RORA: variants seen among roughly 807,000 people sequenced by gnomAD.
The protein encoded by RORA is RAR related orphan receptor A, also known as nuclear receptor ROR-alpha.
In RORA, 7 loss-of-function variants were observed where a neutral mutation model predicts 69.5. The observed-to-expected ratio is 0.10, with a 90% CI of 0.06 to 0.19. The LOEUF (loss-of-function observed/expected upper bound fraction) is 0.19. RORA is among the 10% of genes least tolerant of loss of function. RORA has a pLI of 1.00. For missense variants in RORA, 457 were observed against 663.0 expected, an observed-to-expected ratio of 0.69 and a Z score of 3.41; for synonymous variants, 261 against 240.8, an observed-to-expected ratio of 1.08 and a Z score of -0.78.
chr15:61,047,056 G>A (rs1020547819), intron 1 of RORA, among the ~76,000 whole-genome samples: 1 of 152,212 alleles, frequency 6.6e-6, no homozygotes, highest in African/African-American at 2.4e-5. Flanking sequence ...GCAACCAGCC[G>A]TTCCACAGCC....
At chr15:60,542,587 ACACACACGGCACGCATGCACACCT>A (rs1567073361) in intron 2 of RORA, among the ~76,000 whole-genome samples, 3 of 116,832 alleles carry the variant, frequency 2.6e-5, no homozygotes, top group African/African-American at 1.8e-4. Context: ...TGCACACCTC[ACACACACGGCACGCATGCACACCT>A]CACACACGGC....
intron 1 of RORA, chr15:60,764,778 C>T (rs570016885): frequency 2.0e-5 from 3 of 152,206 alleles, no homozygotes; most frequent in Non-Finnish European, 4.4e-5. Flanking sequence ...GCTTCGACGC[C>T]CCTGCTCACA....
chr15:60,722,245 T>C (rs1207728452), intron 1 of RORA, among the ~76,000 whole-genome samples: 2 of 152,214 alleles, frequency 1.3e-5, no homozygotes, highest in Non-Finnish European at 2.9e-5. Flanking sequence ...ATCATTCACA[T>C]AAGTACATAA....
At chr15:60,703,449 T>TG (rs2071014941) in intron 1 of RORA, among the ~76,000 whole-genome samples, 1 of 151,948 alleles carries the variant, frequency 6.6e-6, no homozygotes, top group Non-Finnish European at 1.5e-5. Context: ...TCAATGAACA[T>TG]AGAACGCACA....
chr15:61,056,333 T>C (rs1566966949), intron 1 of RORA, among the ~76,000 whole-genome samples: 1 of 152,208 alleles, frequency 6.6e-6, no homozygotes, highest in Non-Finnish European at 1.5e-5. Context: ...ACGTTAAGCA[T>C]CTTGTCCAAA....
chr15:61,214,558 C>A (rs977631706), intron 1 of RORA, among the ~76,000 whole-genome samples: 16 of 152,126 alleles, frequency 1.1e-4, no homozygotes, highest in Admixed American at 4.6e-4. Flanking sequence ...TCTAGATTAC[C>A]AGATGGTGGT....
chr15:61,019,937 G>A (rs1053342536), intron 1 of RORA, among the ~76,000 whole-genome samples: 6 of 151,950 alleles, frequency 3.9e-5, no homozygotes, highest in South Asian at 2.1e-4. Context: ...CCAACTTCCC[G>A]TCCTCTGACC....
In RORA at chr15:61,187,502, AG is replaced by A. The variant is rs2079755706; in HGVS notation, c.166+41550del. Among the ~76,000 whole-genome samples, 3 of 152,126 alleles carry A rather than the reference AG, an allele frequency of 2.0e-5. No homozygotes were observed. In the East Asian group the frequency reaches 5.8e-4, roughly 30 times the overall value. On this transcript the variant is annotated intron_variant, in intron 1 of 10. Coordinates refer to ENST00000335670, the MANE Select transcript of RORA (RefSeq NM_134261.3). The stretch of plus-strand genomic sequence containing the variant: ...TGAGGGAAAAACCAAGAGGAGGAGG[AG>A]GGGTGGCGGTAGGGATGGGAAGTGG...
intron 2 of RORA, among the ~76,000 whole-genome samples, chr15:60,577,739 A>G (rs2068068624): frequency 6.6e-6 from 1 of 152,098 alleles, no homozygotes; most frequent in Non-Finnish European, 1.5e-5. Context: ...GAACATTTAC[A>G]CAATTTACTT....
At chr15:60,597,251 A>G (rs2068686454) in intron 2 of RORA, among the ~76,000 whole-genome samples, 1 of 151,920 alleles carries the variant, frequency 6.6e-6, no homozygotes, top group Admixed American at 6.6e-5. Flanking sequence ...CTGGAACCAT[A>G]TATTTCATAC....
At chr15:60,677,335 G>A (rs759076261) in intron 2 of RORA, 5 of 408,786 alleles carry the variant, frequency 1.2e-5, no homozygotes, top group African/African-American at 6.1e-5. Flanking sequence ...CAACAACAAC[G>A]ACAAAACAAC....
At chr15:60,503,885 C>T (rs981296475) in intron 6 of RORA, among the ~76,000 whole-genome samples, 12 of 152,186 alleles carry the variant, frequency 7.9e-5, no homozygotes, top group African/African-American at 2.9e-4. Flanking sequence ...TCACTGCAAC[C>T]TCTGCCTCCT....
chr15:60,508,551 G>A lies in RORA; in HGVS notation c.820+2675C>T, dbSNP rs949142789. 6.8e-4 allele frequency among the ~76,000 whole-genome samples: 103 copies of A among 152,310 alleles called. 1 individual carries two copies. The highest frequency in any genetic ancestry group is 2.4e-3 in the African/African-American group (100 of 41,566). On this transcript the variant is annotated intron_variant, in intron 5 of 10. Coordinates refer to ENST00000335670, the MANE Select transcript of RORA (RefSeq NM_134261.3). ...ATCCTTATAACAACCCCAAGAGAAAGGTACTAGTATTATCTCCATTTTACA... is the reference window on the plus strand; with the variant it reads ...ATCCTTATAACAACCCCAAGAGAAAAGTACTAGTATTATCTCCATTTTACA...
In RORA at chr15:60,933,944, G is replaced by A. The variant is rs747308634; in HGVS notation, c.167-255258C>T. Among the ~76,000 whole-genome samples, 6 of 152,312 alleles carry A rather than the reference G, an allele frequency of 3.9e-5. No individual in the cohort carries two copies. In the South Asian group the frequency reaches 1.2e-3, roughly 32 times the overall value. ...CTTTTGAAGGGCCCAGAGAGGCTGG[G>A]CTCCCTCATTTCTCAAAGTGATGAG... is the stretch of plus-strand genomic sequence containing the variant. On this transcript the variant is annotated intron_variant, in intron 1 of 10. Transcript: ENST00000335670.
chr15:60,982,534 C>T (rs1344489117), intron 1 of RORA, among the ~76,000 whole-genome samples: 1 of 152,130 alleles, frequency 6.6e-6, no homozygotes, highest in Non-Finnish European at 1.5e-5. Flanking sequence ...GAGATAAAAA[C>T]ATGTGTCTAG....
At chr15:61,141,647 A>G (rs1465316712) in intron 1 of RORA, among the ~76,000 whole-genome samples, 3 of 152,196 alleles carry the variant, frequency 2.0e-5, no homozygotes, top group African/African-American at 7.2e-5. Flanking sequence ...CTACGGCTTG[A>G]TTTCATAAGG....
intron 1 of RORA, among the ~76,000 whole-genome samples, chr15:61,024,685 A>C (rs1253873145): frequency 1.3e-5 from 2 of 152,006 alleles, no homozygotes; most frequent in African/African-American, 4.8e-5. Flanking sequence ...TCCTGACATC[A>C]CATGACCTGC....
intron 1 of RORA, among the ~76,000 whole-genome samples, chr15:60,870,091 C>A (rs2140434714): frequency 6.6e-6 from 1 of 152,262 alleles, no homozygotes; most frequent in African/African-American, 2.4e-5. Flanking sequence ...GTGACTAGGC[C>A]TTCCTATTAT....
chr15:60,696,296 G>A (rs978807406), intron 1 of RORA, among the ~76,000 whole-genome samples: 2 of 152,036 alleles, frequency 1.3e-5, no homozygotes, highest in African/African-American at 2.4e-5. Flanking sequence ...AGGGGGAATC[G>A]GTCCTCCCAG....
Sources: gnomAD v4.1 joint callset for allele counts (sites outside exome capture counted in the v4.1 genomes callset) on GRCh38, gnomAD v4.1.1 for gene constraint, MANE v1.5 for transcripts, NCBI Gene and HGNC (gene_info 2026-07-23, HGNC 2026-07-21) for gene names.